NEK5: variants seen among roughly 807,000 people sequenced by gnomAD.
NEK5 encodes NIMA related kinase 5.
A neutral mutation model predicts 109.2 loss-of-function variants in NEK5; 88 were observed. The ratio of observed to expected loss-of-function variants is 0.81; its 90% CI spans 0.68 to 0.96. The LOEUF is 0.96. Ranked by LOEUF, NEK5 falls within the 40% of genes least tolerant of loss-of-function variation. The probability of loss-of-function intolerance (pLI) is 0.00; values close to 1 mark genes in which losing one functional copy is unlikely to be tolerated. For missense variants in NEK5, 834 were observed against 920.7 expected, an observed-to-expected ratio of 0.91 and a Z score of 1.22; for synonymous variants, 283 against 299.9, an observed-to-expected ratio of 0.94 and a Z score of 0.58.
At chr13:52,121,059 C>A (rs557544618) in intron 3 of NEK5, among the ~76,000 whole-genome samples, 2 of 151,800 alleles carry the variant, frequency 1.3e-5, no homozygotes, top group South Asian at 4.2e-4. Flanking sequence ...TAAAACTACA[C>A]AAATTGATAA....
chr13:52,102,405 G>A (rs1955558275), intron 9 of NEK5, 113 bp from the exon 10 acceptor site: 3 of 871,338 alleles, frequency 3.4e-6, no homozygotes, highest in East Asian at 2.5e-5. Context: ...TTTTTAAATT[G>A]TAGTTAGAAG....
chr13:52,080,933 T>C (rs1055917973), intron 17 of NEK5, among the ~76,000 whole-genome samples: 2 of 141,782 alleles, frequency 1.4e-5, no homozygotes, highest in South Asian at 2.3e-4. Context: ...GGCGATGTTA[T>C]ATGTATTTTA....
chr13:52,097,592 G>A (rs922055058), intron 12 of NEK5, among the ~76,000 whole-genome samples: 3 of 152,200 alleles, frequency 2.0e-5, no homozygotes, highest in African/African-American at 7.2e-5. Flanking sequence ...TGAAATGGGT[G>A]TATTTACCCA....
chr13:52,076,252 A>C, intron 17 of NEK5, 109 bp from the exon 18 acceptor site: 1 of 619,876 alleles, frequency 1.6e-6, no homozygotes, highest in South Asian at 2.0e-5. Flanking sequence ...TTTATAATGG[A>C]AAGTTAATAA....
intron 22 of NEK5, among the ~76,000 whole-genome samples, chr13:52,061,070 G>GT (rs1954610210): frequency 6.6e-6 from 1 of 152,160 alleles, no homozygotes; most frequent in Non-Finnish European, 1.5e-5. Context: ...TAAAGCAGTG[G>GT]TCCCCAACCT....
chr13:52,039,200 C>T (rs12583966), intron 23 of NEK5, among the ~76,000 whole-genome samples: 1 of 152,122 alleles, frequency 6.6e-6, no homozygotes, highest in Non-Finnish European at 1.5e-5. Flanking sequence ...TTCTGCAGAA[C>T]GCGTACTATC....
At chr13:52,055,855 A>C (rs926040931) in intron 22 of NEK5, among the ~76,000 whole-genome samples, 1 of 152,206 alleles carries the variant, frequency 6.6e-6, no homozygotes, top group Non-Finnish European at 1.5e-5. Context: ...GCCAAAATGT[A>C]AAGACCATCG....
chr13:52,108,472 G>C lies in NEK5; in HGVS notation c.468-68C>G. 3.2e-6 allele frequency: 3 copies of C among 941,800 alleles called. No homozygotes were observed. In the South Asian group the frequency reaches 4.6e-5, roughly 14 times the overall value. The allele number at this position is 941,800 out of a possible 1,614,324, so 58.3% of individuals were successfully genotyped here. A position where few individuals can be genotyped will look rare whatever the true frequency, so the allele number is the denominator to read the frequency against. On this transcript the variant is annotated intron_variant, in intron 7 of 23. Coordinates refer to ENST00000684899, the MANE Select transcript of NEK5 (RefSeq NM_001365552.1). Reference sequence around the variant, plus strand: ...TGGAGTAAGAAAAGTCTTAAGACATGGACATGCAAGAAAAAATGTGAAAAT... The same window carrying C: ...TGGAGTAAGAAAAGTCTTAAGACATCGACATGCAAGAAAAAATGTGAAAAT...
chr13:52,125,119 T>G (rs529515520), intron 3 of NEK5, among the ~76,000 whole-genome samples: 1 of 152,312 alleles, frequency 6.6e-6, no homozygotes, highest in South Asian at 2.1e-4. Flanking sequence ...TATTAATACT[T>G]GTTTTTGGGT....
chr13:52,106,073 CTG>C (rs1280837244), intron 8 of NEK5, among the ~76,000 whole-genome samples: 2 of 152,080 alleles, frequency 1.3e-5, no homozygotes, highest in Admixed American at 6.6e-5. Context: ...CCAAGGCTGT[CTG>C]TGGCATGCCC....
chr13:52,063,485 C>T (rs1282894968), intron 21 of NEK5, among the ~76,000 whole-genome samples: 4 of 152,118 alleles, frequency 2.6e-5, no homozygotes, highest in Admixed American at 1.3e-4. Context: ...AGCCTCTGCC[C>T]GGCCGCCACC....
chr13:52,098,943 T>C (rs1248822741), intron 12 of NEK5, among the ~76,000 whole-genome samples: 1 of 152,168 alleles, frequency 6.6e-6, no homozygotes, highest in Non-Finnish European at 1.5e-5. Context: ...TGTCAGAATA[T>C]ACCATAGCTT....
intron 23 of NEK5, among the ~76,000 whole-genome samples, chr13:52,040,895 A>G (rs767393395): frequency 1.5e-4 from 23 of 152,186 alleles, no homozygotes; most frequent in Non-Finnish European, 2.4e-4. Flanking sequence ...AGTCAAATCT[A>G]TGGTTATAAA....
chr13:52,126,846 G>T (rs773593266), intron 3 of NEK5, among the ~76,000 whole-genome samples: 1 of 152,136 alleles, frequency 6.6e-6, no homozygotes, highest in Non-Finnish European at 1.5e-5. Context: ...GTGATAAGGT[G>T]TGATTGTGGC....
intron 23 of NEK5, among the ~76,000 whole-genome samples, chr13:52,044,122 G>C (rs1954437281): frequency 6.6e-6 from 1 of 152,232 alleles, no homozygotes; most frequent in Non-Finnish European, 1.5e-5. Context: ...TAGCTTCGCA[G>C]CCTACAGCTT....
chr13:52,064,498 G>T (rs1246420833), intron 21 of NEK5, among the ~76,000 whole-genome samples: 1 of 147,914 alleles, frequency 6.8e-6, no homozygotes, highest in Non-Finnish European at 1.5e-5. Flanking sequence ...GGAGGGAGGT[G>T]GGGGGGTCAG....
intron 22 of NEK5, among the ~76,000 whole-genome samples, chr13:52,051,042 A>G (rs1198776998): frequency 7.1e-6 from 1 of 140,892 alleles, no homozygotes; most frequent in African/African-American, 2.5e-5. Context: ...TTAATACCAC[A>G]AAGAATTATA....
At chr13:52,075,683 A>G in intron 19 of NEK5, 75 bp downstream of exon 19, 1 of 922,856 alleles carries the variant, frequency 1.1e-6, no homozygotes, top group African/African-American at 1.7e-5. Context: ...CTGTGAAATA[A>G]TTTCATGAAA....
chr13:52,057,184 A>G (rs1954564833), intron 22 of NEK5, among the ~76,000 whole-genome samples: 1 of 152,206 alleles, frequency 6.6e-6, no homozygotes, highest in Non-Finnish European at 1.5e-5. Flanking sequence ...ACGCAAATAA[A>G]CTAGAAAATC....
Sources: allele counts gnomAD v4.1 joint callset (sites outside exome capture counted in the v4.1 genomes callset), GRCh38; gene constraint gnomAD v4.1.1; transcripts MANE v1.5; gene names NCBI Gene and HGNC (gene_info 2026-07-23, HGNC 2026-07-21).